TRPM3: variants seen among roughly 807,000 people sequenced by gnomAD.
TRPM3 encodes long transient receptor potential channel 3.
TRPM3 carries 77 observed loss-of-function variants against 181.2 expected under a neutral mutation model. The ratio of observed to expected loss-of-function variants is 0.42; its 90% CI spans 0.35 to 0.51. The LOEUF (loss-of-function observed/expected upper bound fraction) is 0.51. Ranked by LOEUF, TRPM3 falls within the 20% of genes least tolerant of loss-of-function variation. The pLI is 0.01. For synonymous variants in TRPM3, 745 were observed against 796.4 expected, an observed-to-expected ratio of 0.94 and a Z score of 1.09; for missense variants, 1,759 against 2,196.7, an observed-to-expected ratio of 0.80 and a Z score of 3.98.
At chr9:71,090,384 A>G (rs2066001509) in intron 1 of TRPM3, among the ~76,000 whole-genome samples, 1 of 152,326 alleles carries the variant, frequency 6.6e-6, no homozygotes, top group South Asian at 2.1e-4. Context: ...GCAAGAAAAC[A>G]TAATTCCGTA....
At chr9:70,992,418 C>A (rs1392141929) in intron 1 of TRPM3, among the ~76,000 whole-genome samples, 8 of 152,148 alleles carry the variant, frequency 5.3e-5, no homozygotes, top group Non-Finnish European at 1.2e-4. Context: ...CTGCCCCCAG[C>A]CCGTTCATTC....
At chr9:70,748,451 A>G (rs1484789093) in intron 8 of TRPM3, among the ~76,000 whole-genome samples, 1 of 152,184 alleles carries the variant, frequency 6.6e-6, no homozygotes, top group African/African-American at 2.4e-5. Flanking sequence ...CTTCTTCTCC[A>G]TGTCAACTGG....
In TRPM3 at chr9:70,536,625, G is replaced by C; in HGVS notation, c.4488C>G (p.Asn1496Lys). The C allele has an allele frequency of 6.2e-7, 1 of 1,614,080 alleles. No homozygotes were observed. Among genetic ancestry groups the C allele is most frequent in the Non-Finnish European group, 8.5e-7 (1 of 1,180,012 alleles). ...ACATCGGAGGCTCTGAGTCCCAGGG[G>C]TTTTGGCATTCTGGGAGGTGGGTGT... ...SDYTHLPECQ[N>K]PWDSEPPMYH... Residue 1496 changes from asparagine to lysine, a missense_variant, in exon 26 of 26, where the codon AAC becomes AAG. Physicochemically the swap from Asn to Lys is moderately conservative, Grantham distance 94 (BLOSUM62 0). Coordinates refer to ENST00000677713, the MANE Select transcript of TRPM3 (RefSeq NM_001366145.2).
intron 1 of TRPM3, among the ~76,000 whole-genome samples, chr9:70,930,288 T>C (rs1178401938): frequency 6.6e-6 from 1 of 152,214 alleles, no homozygotes; most frequent in African/African-American, 2.4e-5. Context: ...TTTATTATTA[T>C]CTTTTTCACA....
At chr9:71,138,483 T>C (rs1033064698) in intron 1 of TRPM3, among the ~76,000 whole-genome samples, 2 of 152,208 alleles carry the variant, frequency 1.3e-5, no homozygotes, top group African/African-American at 4.8e-5. Context: ...AGGAGATTTT[T>C]CAGTATATAT....
intron 1 of TRPM3, among the ~76,000 whole-genome samples, chr9:71,313,253 A>C (rs1588440032): frequency 6.6e-6 from 1 of 151,766 alleles, no homozygotes; most frequent in Non-Finnish European, 1.5e-5. Context: ...AAAACACTAA[A>C]AATTTTTTAA....
At chr9:70,621,338 G>GC in intron 14 of TRPM3, 65 bp from the exon 15 acceptor site, 1 of 1,243,032 alleles carries the variant, frequency 8.0e-7, no homozygotes, top group African/African-American at 1.5e-5. Flanking sequence ...AAGGTAAGAA[G>GC]AGTCCTATTA....
rs557442981 is a variant in TRPM3 at position 71,040,816 on chromosome 9, C to A, written c.177+80362G>T. On this transcript the variant is annotated intron_variant, in intron 1 of 25. Coordinates refer to ENST00000677713, the MANE Select transcript of TRPM3 (RefSeq NM_001366145.2). ...TGGCACTTCTGGGGCAAAAATGCAT[C>A]ACCTGAATATAATCATGAGGAGGCA... Among the ~76,000 whole-genome samples the A allele has an allele frequency of 2.7e-4, 41 of 152,184 alleles. No homozygotes were observed. The South Asian group carries it at 7.9e-3, about 29-fold the overall frequency.
chr9:71,165,204 C>G (rs964459263), intron 1 of TRPM3, among the ~76,000 whole-genome samples: 2 of 152,156 alleles, frequency 1.3e-5, no homozygotes, highest in Non-Finnish European at 2.9e-5. Flanking sequence ...CCTATTTTCA[C>G]AAGCTGAAAT....
At chr9:70,547,470 G>A (rs2045299639) in intron 25 of TRPM3, among the ~76,000 whole-genome samples, 1 of 149,034 alleles carries the variant, frequency 6.7e-6, no homozygotes, top group Non-Finnish European at 1.5e-5. Context: ...GCATCCCATG[G>A]TGTTTCTGTT....
chr9:71,374,967 T>C (rs1004639925), intron 1 of TRPM3, among the ~76,000 whole-genome samples: 1 of 152,088 alleles, frequency 6.6e-6, no homozygotes, highest in African/African-American at 2.4e-5. Flanking sequence ...GGAAAAACAT[T>C]CCATGCTCAT....
intron 1 of TRPM3, among the ~76,000 whole-genome samples, chr9:71,332,602 G>T (rs113311700): frequency 1.3e-5 from 2 of 151,668 alleles, no homozygotes; most frequent in African/African-American, 4.8e-5. Flanking sequence ...GAGATAAAGA[G>T]AAAAGTTACA....
chr9:71,279,065 A>AAAAC (rs2084480658), intron 1 of TRPM3, among the ~76,000 whole-genome samples: 1 of 147,930 alleles, frequency 6.8e-6, no homozygotes, highest in South Asian at 2.1e-4. Context: ...ATAAAAATAA[A>AAAAC]AAAACCACCA....
chr9:71,106,844 A>T (rs982395094), intron 1 of TRPM3, among the ~76,000 whole-genome samples: 1 of 152,216 alleles, frequency 6.6e-6, no homozygotes, highest in Non-Finnish European at 1.5e-5. Context: ...TTGTTTGGAT[A>T]TGGAAAATGA....
rs1251289023 is a variant in TRPM3 at position 70,531,351 on chromosome 9, A to G, written c.*4602T>C. The G allele has an allele frequency of 6.6e-6, 1 of 152,230 alleles. No homozygotes were observed. The highest frequency in any genetic ancestry group is 1.5e-5 in the Non-Finnish European group (1 of 68,044). The allele number at this position is 152,230 out of a possible 1,614,324, so 9.4% of individuals were successfully genotyped here. A position where few individuals can be genotyped will look rare whatever the true frequency, so the allele number is the denominator to read the frequency against. Reference sequence around the variant, plus strand: ...TTTGTTTTTAATTTTTCAAAACTGAACATAATCCCCATAGTAAGAAGCCCA... The same window carrying G: ...TTTGTTTTTAATTTTTCAAAACTGAGCATAATCCCCATAGTAAGAAGCCCA... On this transcript the variant is annotated 3_prime_UTR_variant, in exon 26 of 26. Transcript: ENST00000677713.
At chr9:71,053,117 A>T (rs1292956578) in intron 1 of TRPM3, among the ~76,000 whole-genome samples, 1 of 134,180 alleles carries the variant, frequency 7.5e-6, no homozygotes, top group Admixed American at 7.8e-5. Flanking sequence ...AAAAAAAAAA[A>T]GCAGCAGGGA....
At chr9:71,109,010 C>T (rs935110741) in intron 1 of TRPM3, among the ~76,000 whole-genome samples, 5 of 151,892 alleles carry the variant, frequency 3.3e-5, no homozygotes, top group Admixed American at 2.6e-4. Flanking sequence ...ATCTAATAAG[C>T]TGAAGGCCTG....
intron 9 of TRPM3, among the ~76,000 whole-genome samples, chr9:70,662,839 T>C (rs2061320236): frequency 6.6e-6 from 1 of 152,154 alleles, no homozygotes; most frequent in Non-Finnish European, 1.5e-5. Context: ...TGTGGATTCC[T>C]TAAAGAACTA....
chr9:71,185,208 A>G (rs1241666007), intron 1 of TRPM3, among the ~76,000 whole-genome samples: 1 of 152,076 alleles, frequency 6.6e-6, no homozygotes, highest in Non-Finnish European at 1.5e-5. Context: ...CTGATGCATG[A>G]AAGGAGAGAG....
Sources: gnomAD v4.1 joint callset for allele counts (sites outside exome capture counted in the v4.1 genomes callset) on GRCh38, gnomAD v4.1.1 for gene constraint, MANE v1.5 for transcripts, NCBI Gene and HGNC (gene_info 2026-07-23, HGNC 2026-07-21) for gene names.